PDXDC1: variants seen among roughly 807,000 people sequenced by gnomAD.
The protein encoded by PDXDC1 is pyridoxal-dependent decarboxylase domain-containing protein 1.
Under a neutral mutation model 100.1 loss-of-function variants are expected in PDXDC1, and 42 were observed. The ratio of observed to expected loss-of-function variants is 0.42; its 90% CI spans 0.33 to 0.54. The LOEUF is 0.54. PDXDC1 is among the 20% of genes least tolerant of loss of function. The pLI, the probability that PDXDC1 is intolerant of heterozygous loss-of-function variation, is 0.10. For synonymous variants in PDXDC1, 260 were observed against 371.7 expected (o/e 0.70, Z 3.46); for missense variants, 636 against 979.2 (o/e 0.65, Z 4.68).
intron 8 of PDXDC1, among the ~76,000 whole-genome samples, chr16:15,012,229 G>A (rs1317877465): frequency 9.9e-5 from 15 of 152,064 alleles, no homozygotes; most frequent in Non-Finnish European, 1.3e-4. Context: ...TTAGCCTCCC[G>A]AGTACCTGGG....
chr16:15,094,219 C>T (rs750536631), intron 16 of PDXDC1: 7 of 1,593,272 alleles, frequency 4.4e-6, no homozygotes, highest in Non-Finnish European at 3.4e-6. Flanking sequence ...GCGTGTGAAG[C>T]AGCGGTGCCG....
At position 15,125,669 on chromosome 16, in the gene PDXDC1, G is replaced by T. The variant is rs1279397307; in HGVS notation, c.1400-13210G>T. ...GCGGCAGGACCCCCAGCCCAGCCCA[G>T]GACCCCCAGTAGAGCCCTCACCTCA... On this transcript the variant is annotated intron_variant, in intron 16 of 16. Coordinates refer to the PDXDC1 transcript ENST00000535621. The T allele has an allele frequency of 6.8e-6, 9 of 1,326,630 alleles. 1 individual carries two copies. In the Admixed American group the frequency reaches 1.3e-4, roughly 20 times the overall value. 82.2% of individuals were successfully genotyped at this position (1,326,630 alleles called of 1,614,324 possible). A position where few individuals can be genotyped will look rare whatever the true frequency, so the allele number is the denominator to read the frequency against.
chr16:15,046,271 T>TA (rs1175435031), intron 16 of PDXDC1, among the ~76,000 whole-genome samples: 2 of 152,246 alleles, frequency 1.3e-5, no homozygotes, highest in African/African-American at 4.8e-5. Context: ...CTTTCCTTTT[T>TA]AGACTCCTAG....
At chr16:15,091,850 T>C (rs1390282519) in intron 16 of PDXDC1, among the ~76,000 whole-genome samples, 1 of 152,138 alleles carries the variant, frequency 6.6e-6, no homozygotes. Context: ...TGGTTTACTG[T>C]CCCAAAGTAA....
chr16:15,136,234 G>A (rs1444466150), intron 16 of PDXDC1: 8 of 631,486 alleles, frequency 1.3e-5, no homozygotes, highest in East Asian at 5.5e-5. Context: ...CTTTCCAGAT[G>A]GGGAAACTGA....
At chr16:15,013,928 C>T (rs571373087) in intron 8 of PDXDC1, among the ~76,000 whole-genome samples, 8 of 151,964 alleles carry the variant, frequency 5.3e-5, no homozygotes, top group African/African-American at 1.7e-4. Flanking sequence ...TTATTTAGGC[C>T]GGGTGCGGTG....
chr16:15,144,035 G>A (rs1364528748), downstream of PDXDC1, among the ~76,000 whole-genome samples: 2 of 152,186 alleles, frequency 1.3e-5, no homozygotes, highest in East Asian at 1.9e-4. Context: ...CCCTCGGCAG[G>A]GGCAGGACAG....
chr16:15,047,653 C>G, intron 16 of PDXDC1: 1 of 981,210 alleles, frequency 1.0e-6, no homozygotes, highest in Non-Finnish European at 1.6e-6. Flanking sequence ...CTTTGAATAT[C>G]CTGTAGGGGA....
At chr16:15,127,089 G>A (rs933011244) in intron 16 of PDXDC1, 37 of 354,678 alleles carry the variant, frequency 1.0e-4, no homozygotes, top group South Asian at 1.9e-4. Context: ...CACCCGGCCC[G>A]GCCACTGGGA....
intron 1 of PDXDC1, among the ~76,000 whole-genome samples, chr16:14,983,824 G>A (rs566194767): frequency 6.6e-6 from 1 of 152,394 alleles, no homozygotes; most frequent in East Asian, 1.9e-4. Context: ...TATAGTTTGT[G>A]TTTTGGAAGT....
At chr16:15,086,722 A>G (rs1482113593) in intron 16 of PDXDC1, among the ~76,000 whole-genome samples, 1 of 152,196 alleles carries the variant, frequency 6.6e-6, no homozygotes, top group African/African-American at 2.4e-5. Flanking sequence ...TGCCCTGAAA[A>G]AGCGAAATCA....
At position 15,028,912 on chromosome 16, in the gene PDXDC1, G is replaced by A. The variant is rs1251187760; in HGVS notation, c.1239G>A (p.Met413Ile). The change falls in exon 15 of 23, where the codon ATG becomes ATA. Residue 413 changes from methionine (M) to isoleucine (I), a missense_variant. By Grantham distance (10) the Met-to-Ile change is conservative. Coordinates refer to ENST00000396410, the MANE Select transcript of PDXDC1 (RefSeq NM_015027.4). ...TTAAAGCCGTCCCAGTGCCCAACAT[G>A]ACACCTTCAGGAGTCGGCCGGGAGA... ...PVFKAVPVPNMTPSGVGRERH... is the reference protein window; with the variant it reads ...PVFKAVPVPNITPSGVGRERH... 2 of 1,613,884 alleles carry A rather than the reference G, an allele frequency of 1.2e-6. No homozygotes were observed. Among genetic ancestry groups the A allele is most frequent in the African/African-American group, 2.7e-5 (2 of 74,956 alleles).
intron 16 of PDXDC1, among the ~76,000 whole-genome samples, chr16:15,078,035 TATATCACCATTCAA>T (rs1162715920): frequency 6.6e-6 from 1 of 152,210 alleles, no homozygotes; most frequent in East Asian, 1.9e-4. Context: ...TTTATTTTGG[TATATCACCATTCAA>T]ATATCTTAAC....
chr16:15,003,253 A>G (rs207475771), intron 4 of PDXDC1, among the ~76,000 whole-genome samples: 14 of 128,792 alleles, frequency 1.1e-4, no homozygotes, highest in African/African-American at 3.3e-4. Context: ...GTCTTACTCT[A>G]TTGCCCAGGC....
At chr16:15,114,869 G>C (rs1181667076) in intron 16 of PDXDC1, among the ~76,000 whole-genome samples, 3 of 133,658 alleles carry the variant, frequency 2.2e-5, no homozygotes, top group African/African-American at 5.6e-5. Context: ...AAGTTGTCTT[G>C]AGCCACACAT....
Position 15,119,113 on chromosome 16 carries a change from AGAAAGAATCATCCT to A in PDXDC1, c.1400-19765_1400-19752del, listed in dbSNP as rs1472206661. On this transcript the variant is annotated intron_variant, in intron 16 of 16. Coordinates refer to the PDXDC1 transcript ENST00000535621. ...CAATGACACTGACAATATTTCACTC[AGAAAGAATCATCCT>A]TAGAAACCGTCAACCTCCTCCAAAA... The A allele has an allele frequency of 7.5e-6, 7 of 929,040 alleles. No individual in the cohort carries two copies. In the African/African-American group the frequency reaches 1.3e-4, roughly 17 times the overall value. 57.5% of individuals were successfully genotyped at this position (929,040 alleles called of 1,614,324 possible).
Position 15,083,402 on chromosome 16 carries a change from A to G in PDXDC1, c.1399+53346A>G, listed in dbSNP as rs2045784577. The G allele has an allele frequency of 4.0e-6, 6 of 1,486,966 alleles. No individual in the cohort carries two copies. In the East Asian group the frequency reaches 1.2e-4, roughly 30 times the overall value. 92.1% of individuals were successfully genotyped at this position (1,486,966 alleles called of 1,614,324 possible). A position where few individuals can be genotyped will look rare whatever the true frequency, so the allele number is the denominator to read the frequency against. On this transcript the variant is annotated intron_variant, in intron 16 of 16. Transcript: ENST00000535621. The stretch of plus-strand genomic sequence containing the variant: ...CGACAGAGTGAGACTCGGTCTCAAA[A>G]AAGAAAAAGAAAAAGAAAGACTGGA...
chr16:15,046,662 C>A (rs1486880512), intron 16 of PDXDC1, among the ~76,000 whole-genome samples: 2 of 140,762 alleles, frequency 1.4e-5, no homozygotes, highest in African/African-American at 5.2e-5. Context: ...GAGTTTAAGA[C>A]CGGCCTGGGC....
At chr16:15,140,095 C>CAAAAAAAAAAAAAAAA (rs372891971), downstream of PDXDC1, among the ~76,000 whole-genome samples, 1 of 43,844 alleles carries the variant, frequency 2.3e-5, no homozygotes, top group African/African-American at 1.1e-4. Flanking sequence ...GACTCCATCT[C>CAAAAAAAAAAAAAAAA]AAAAAAAAAA....
Sources: gnomAD v4.1 joint callset for allele counts (sites outside exome capture counted in the v4.1 genomes callset) on GRCh38, gnomAD v4.1.1 for gene constraint, MANE v1.5 for transcripts, NCBI Gene and HGNC (gene_info 2026-07-23, HGNC 2026-07-21) for gene names.